GNA12: variants seen among roughly 807,000 people sequenced by gnomAD.
GNA12 encodes G protein subunit alpha 12, also known as guanine nucleotide-binding protein subunit alpha-12.
Under a neutral mutation model 26.0 loss-of-function variants are expected in GNA12, and 9 were observed. The ratio of observed to expected loss-of-function variants is 0.35; its 90% confidence interval spans 0.21 to 0.60. The LOEUF is 0.60. GNA12 is among the 20% of genes least tolerant of loss of function. The pLI, the probability that GNA12 is intolerant of heterozygous loss-of-function variation, is 0.78. For missense variants in GNA12, 405 were observed against 525.8 expected (o/e 0.77, Z 2.25); for synonymous variants, 264 against 219.6 (o/e 1.20, Z -1.79).
At chr7:2,744,295 C>G (rs798507) in intron 2 of GNA12, among the ~76,000 whole-genome samples, 1 of 152,150 alleles carries the variant, frequency 6.6e-6, no homozygotes, top group African/African-American at 2.4e-5. Flanking sequence ...ACACCTCACA[C>G]GGCCGGGTAC....
intron 2 of GNA12, among the ~76,000 whole-genome samples, chr7:2,737,276 T>TTTG (rs1236862408): frequency 1.1e-4 from 6 of 53,326 alleles, no homozygotes; most frequent in East Asian, 4.5e-4. Flanking sequence ...TTTGTTTTGT[T>TTTG]TTTTTTTTTT....
Position 2,731,501 on chromosome 7 carries a change from T to C in GNA12, c.826A>G (p.Ile276Val). Reference sequence around the variant, plus strand: ...TTGTTGTTGACGATGGTCTCGAAGATGTTCATGGACTCCACCAGCCGGTTG... The same window carrying C: ...TTGTTGTTGACGATGGTCTCGAAGACGTTCATGGACTCCACCAGCCGGTTG... ...RTNRLVESMN[I>V]FETIVNNKLF... is the part of the protein sequence containing the mutation. Residue 276 changes from isoleucine to valine, a missense_variant, in exon 4 of 4, where the codon ATC (isoleucine) becomes GTC (valine). Transcript: ENST00000275364. This position sits in a 1 kb window ranked among gnomAD's most constrained non-coding sequence, Gnocchi z 6.0. 4 of 1,613,768 alleles carry C rather than the reference T, an allele frequency of 2.5e-6. No homozygotes were observed. Among genetic ancestry groups the C allele is most frequent in the East Asian group, 2.2e-5 (1 of 44,856 alleles).
chr7:2,831,756 T>C (rs1249546013), intron 1 of GNA12, among the ~76,000 whole-genome samples: 1 of 152,154 alleles, frequency 6.6e-6, no homozygotes, highest in African/African-American at 2.4e-5. Context: ...TATAAATAGT[T>C]ATTAGTCACC....
At chr7:2,819,437 C>T (rs1793297185) in intron 1 of GNA12, among the ~76,000 whole-genome samples, 1 of 152,192 alleles carries the variant, frequency 6.6e-6, no homozygotes, top group Non-Finnish European at 1.5e-5. Flanking sequence ...AGTCCCGAAG[C>T]CTGTGGTAAT....
chr7:2,741,371 A>C (rs1790495677), intron 2 of GNA12, among the ~76,000 whole-genome samples: 1 of 152,070 alleles, frequency 6.6e-6, no homozygotes, highest in Non-Finnish European at 1.5e-5. Flanking sequence ...AAAACCCAAA[A>C]ACCTAAATAA....
At chr7:2,792,972 A>C (rs903535800) in intron 2 of GNA12, among the ~76,000 whole-genome samples, 7 of 152,210 alleles carry the variant, frequency 4.6e-5, no homozygotes, top group Non-Finnish European at 7.3e-5. Flanking sequence ...GCCTCAACCA[A>C]GCAACCCAGG....
At chr7:2,736,769 G>A (rs964001335) in intron 2 of GNA12, among the ~76,000 whole-genome samples, 2 of 152,198 alleles carry the variant, frequency 1.3e-5, no homozygotes, top group Non-Finnish European at 2.9e-5. Flanking sequence ...TCAGAACTCC[G>A]TCAGCACCGT....
At chr7:2,780,772 AC>A (rs1300729563) in intron 2 of GNA12, among the ~76,000 whole-genome samples, 2 of 152,208 alleles carry the variant, frequency 1.3e-5, no homozygotes, top group African/African-American at 2.4e-5. Flanking sequence ...TTAAAAAAAA[AC>A]AATTTACTCA....
chr7:2,812,463 C>A (rs1249277478), intron 1 of GNA12, among the ~76,000 whole-genome samples: 1 of 152,090 alleles, frequency 6.6e-6, no homozygotes, highest in East Asian at 1.9e-4. Context: ...AACCCCGTCT[C>A]TACTAAAAAT....
At chr7:2,737,450 G>A (rs946777933) in intron 2 of GNA12, among the ~76,000 whole-genome samples, 6 of 151,734 alleles carry the variant, frequency 4.0e-5, no homozygotes, top group African/African-American at 7.3e-5. Context: ...TACCACACCC[G>A]GCTAACTTTT....
intron 1 of GNA12, among the ~76,000 whole-genome samples, chr7:2,842,028 G>A (rs767535818): frequency 5.2e-5 from 6 of 114,550 alleles, no homozygotes; most frequent in South Asian, 2.8e-4. Flanking sequence ...AGGAAGGGAG[G>A]AAGGAAGAAA....
intron 2 of GNA12, among the ~76,000 whole-genome samples, chr7:2,769,497 G>A (rs550274407): frequency 2.6e-5 from 4 of 152,132 alleles, no homozygotes; most frequent in East Asian, 1.9e-4. Context: ...TTGGGAGGCC[G>A]AGGTCGGCGG....
chr7:2,794,985 T>A lies in GNA12; in HGVS notation c.468A>T (p.Ala156=). The A allele has an allele frequency of 6.2e-7, 1 of 1,614,118 alleles. No homozygotes were observed. ...CCCTGATGCCAGAATCCCTCCAGAG[T>A]GCGCTCAGGGCCGGGACGTACAGCT... ...TFQLYVPALS[A]LWRDSGIREA... is the part of the protein sequence containing the mutation. Residue 156 remains alanine, a synonymous_variant, in exon 2 of 4, where the codon GCA becomes GCT. Transcript: ENST00000275364.
intron 2 of GNA12, among the ~76,000 whole-genome samples, chr7:2,756,106 G>T (rs1473223970): frequency 6.6e-6 from 1 of 152,166 alleles, no homozygotes; most frequent in Non-Finnish European, 1.5e-5. Flanking sequence ...AAGTAATATG[G>T]ATCAACCGAA....
intron 1 of GNA12, among the ~76,000 whole-genome samples, chr7:2,820,211 C>T (rs1469854384): frequency 6.6e-6 from 1 of 152,152 alleles, no homozygotes; most frequent in East Asian, 1.9e-4. Context: ...GGGCTGGTGG[C>T]CGCCCGGGGC....
chr7:2,756,373 T>C (rs924293290), intron 2 of GNA12, among the ~76,000 whole-genome samples: 1 of 152,182 alleles, frequency 6.6e-6, no homozygotes, highest in Non-Finnish European at 1.5e-5. Flanking sequence ...ACATAGGATG[T>C]CAGGTATGGT....
intron 1 of GNA12, among the ~76,000 whole-genome samples, chr7:2,822,023 T>C (rs1474255623): frequency 2.0e-5 from 3 of 152,194 alleles, no homozygotes; most frequent in African/African-American, 7.2e-5. Flanking sequence ...CATTCCAGGA[T>C]GTGATGACTA....
chr7:2,757,279 C>T (rs954028808), intron 2 of GNA12, among the ~76,000 whole-genome samples: 4 of 139,044 alleles, frequency 2.9e-5, no homozygotes, highest in South Asian at 2.4e-4. Context: ...GGGACCGCAG[C>T]GCCCGCCACC....
chr7:2,754,446 T>A (rs80182290), intron 2 of GNA12, among the ~76,000 whole-genome samples: 3,591 of 152,176 alleles, frequency 0.024, 99 homozygotes, highest in Middle Eastern at 0.075. Flanking sequence ...TTCATCCTCT[T>A]ACTAAGAGGA....
Sources: allele counts gnomAD v4.1 joint callset (sites outside exome capture counted in the v4.1 genomes callset), GRCh38; gene constraint gnomAD v4.1.1; non-coding constraint Gnocchi (gnomAD v3.1); transcripts MANE v1.5; gene names NCBI Gene and HGNC (gene_info 2026-07-23, HGNC 2026-07-21).